Variants in CTSZ observed in about 807,000 individuals in gnomAD.
CTSZ encodes carboxypeptidase LB.
A neutral mutation model predicts 32.4 loss-of-function variants in CTSZ; 39 were observed. The observed-to-expected ratio is 1.20, with a 90% CI of 0.93 to 1.57. The LOEUF (loss-of-function observed/expected upper bound fraction) is 1.57. Ranked by LOEUF, CTSZ falls within the 40% of genes most tolerant of loss-of-function variation. The pLI is 0.00. For synonymous variants in CTSZ, 168 were observed against 170.1 expected (o/e 0.99, Z 0.10); for missense variants, 397 against 419.6 (o/e 0.95, Z 0.47).
chr20:59,006,892 T>G, intron 1 of CTSZ, 94 bp downstream of exon 1: 1 of 1,125,618 alleles, frequency 8.9e-7, no homozygotes, highest in Middle Eastern at 3.2e-4. Context: ...CCAAGGCCTG[T>G]TGGCGACGCA....
At position 58,995,580 on chromosome 20, in the gene CTSZ, A is replaced by G; in HGVS notation, c.*69T>C. On this transcript the variant is annotated 3_prime_UTR_variant, in exon 6 of 6. Coordinates refer to ENST00000217131, the MANE Select transcript of CTSZ (RefSeq NM_001336.4). ...TCCTGCCAGCCAGCCTGGCACACATAACCATAGGATCCCCTCTGGTCATGG... is the reference window on the plus strand; with the variant it reads ...TCCTGCCAGCCAGCCTGGCACACATGACCATAGGATCCCCTCTGGTCATGG... 2 of 1,419,858 alleles carry G rather than the reference A, an allele frequency of 1.4e-6. No homozygotes were observed. The highest frequency in any genetic ancestry group is 2.0e-6 in the Non-Finnish European group (2 of 1,007,452). The allele number at this position is 1,419,858 out of a possible 1,614,324, so 88.0% of individuals were successfully genotyped here.
At chr20:58,997,835 A>T in intron 3 of CTSZ, 82 bp from the exon 4 acceptor site, 1 of 1,298,580 alleles carries the variant, frequency 7.7e-7, no homozygotes. Flanking sequence ...CCCACTCTCC[A>T]CTCTCATCAT....
chr20:59,004,301 C>G lies in CTSZ; in HGVS notation c.307+2021G>C, dbSNP rs1372505690. On this transcript the variant is annotated intron_variant, in intron 2 of 5. Coordinates refer to ENST00000217131, the MANE Select transcript of CTSZ (RefSeq NM_001336.4). This position sits in a 1 kb window ranked among gnomAD's most constrained non-coding sequence, Gnocchi z 5.6. ...GAAGGGTTGGTCCTGGGGAAGCTGA[C>G]ACTCAGAACTCTGAGGAGCAGACAG... Among the ~76,000 whole-genome samples, 1 of 151,970 alleles carries G rather than the reference C, an allele frequency of 6.6e-6. No homozygotes were observed. Among genetic ancestry groups the G allele is most frequent in the Non-Finnish European group, 1.5e-5 (1 of 67,976 alleles).
Position 58,995,568 on chromosome 20 carries a change from C to G in CTSZ, c.*81G>C, listed in dbSNP as rs1311632582. ...AGCCACCCCAGTTCCTGCCAGCCAG[C>G]CTGGCACACATAACCATAGGATCCC... On this transcript the variant is annotated 3_prime_UTR_variant, in exon 6 of 6. Transcript: ENST00000217131. 7.6e-7 allele frequency: 1 copy of G among 1,315,342 alleles called. No individual in the cohort carries two copies. The highest frequency in any genetic ancestry group is 1.1e-6 in the Non-Finnish European group (1 of 917,028). The allele number at this position is 1,315,342 out of a possible 1,614,324, so 81.5% of individuals were successfully genotyped here.
intron 3 of CTSZ, among the ~76,000 whole-genome samples, chr20:59,000,689 C>T (rs1223186204): frequency 6.6e-6 from 1 of 152,192 alleles, no homozygotes; most frequent in South Asian, 2.1e-4. Flanking sequence ...AGGCCCCCTA[C>T]ACCTCTCCCC....
At position 59,002,826 on chromosome 20, in the gene CTSZ, C is replaced by T. The variant is rs2091895094; in HGVS notation, c.308-1182G>A. Among the ~76,000 whole-genome samples, 1 of 152,130 alleles carries T rather than the reference C, an allele frequency of 6.6e-6. No individual in the cohort carries two copies. Among genetic ancestry groups the T allele is most frequent in the Admixed American group, 6.5e-5 (1 of 15,288 alleles). On this transcript the variant is annotated intron_variant, in intron 2 of 5. Transcript: ENST00000217131. The surrounding 1 kb of genome is among the most constrained non-coding windows in gnomAD (Gnocchi z 4.1). Reference sequence around the variant, plus strand: ...CCCACCCTAGGTTCCATCCTGTTTCCTCCCAAGGACTTGGCTCCCTCCAGC... The same window carrying T: ...CCCACCCTAGGTTCCATCCTGTTTCTTCCCAAGGACTTGGCTCCCTCCAGC...
chr20:58,998,546 C>CAAAA (rs148092871), intron 3 of CTSZ, among the ~76,000 whole-genome samples: 22,742 of 128,852 alleles, frequency 0.18, 2,186 homozygotes, highest in African/African-American at 0.18. Context: ...GACTCCGTCT[C>CAAAA]AAAAAAAAAG....
chr20:59,006,474 C>T lies in CTSZ; in HGVS notation c.155G>A (p.Arg52Gln), dbSNP rs2091909099. Residue 52 changes from arginine to glutamine, a missense_variant, in exon 2 of 6, where the codon CGG (arginine) becomes CAG (glutamine). By Grantham distance (43) the Arg-to-Gln change is conservative. Transcript: ENST00000217131. ...CGCTGGGGACAGGTACTCATGAGGC[C>T]GGGGGTATGTGCTGAGAAGAGATCA... Reference protein sequence around the residue: ...LAPLGRSTYPRPHEYLSPADL... With the variant: ...LAPLGRSTYPQPHEYLSPADL... 1.2e-6 allele frequency: 2 copies of T among 1,612,790 alleles called. No individual in the cohort carries two copies. Among genetic ancestry groups the T allele is most frequent in the East Asian group, 2.2e-5 (1 of 44,876 alleles).
chr20:59,007,136 C>G lies in CTSZ; in HGVS notation c.-8G>C. 7.4e-7 allele frequency: 1 copy of G among 1,353,310 alleles called. No individual in the cohort carries two copies. Among genetic ancestry groups the G allele is most frequent in the Non-Finnish European group, 9.4e-7 (1 of 1,060,834 alleles). The allele number at this position is 1,353,310 out of a possible 1,614,324, so 83.8% of individuals were successfully genotyped here. On this transcript the variant is annotated 5_prime_UTR_variant, in exon 1 of 6. Transcript: ENST00000217131. ...TGGCCCGCGCCTCGCCATGGCCCCGCGCCGGCTCCTGGGTCCCGCTCCGGA... is the reference window on the plus strand; with the variant it reads ...TGGCCCGCGCCTCGCCATGGCCCCGGGCCGGCTCCTGGGTCCCGCTCCGGA...
chr20:59,006,334 T>A lies in CTSZ; in HGVS notation c.295A>T (p.Ser99Cys). ...CGSCWAHAST[S>C]AMADRINIKR... ...GGCGGCCACTCACCCGCCATAGCGC[T>A]GGTGCTGGCGTGGGCCCAGCAGGAG... The change falls in exon 2 of 6, where the codon AGC becomes TGC. Residue 99 changes from serine to cysteine, a missense_variant. Coordinates refer to ENST00000217131, the MANE Select transcript of CTSZ (RefSeq NM_001336.4). 6.2e-7 allele frequency: 1 copy of A among 1,610,944 alleles called. No individual in the cohort carries two copies.
chr20:58,997,193 G>C (rs1225005487), intron 4 of CTSZ, among the ~76,000 whole-genome samples: 1 of 149,580 alleles, frequency 6.7e-6, no homozygotes, highest in Non-Finnish European at 1.5e-5. Context: ...AATCTGGTAT[G>C]ACAACAAAGT....
rs749203548 is a variant in CTSZ, at chr20:58,995,504, G to C, written c.*145C>G. 4.6e-6 allele frequency: 3 copies of C among 654,458 alleles called. No homozygotes were observed. The African/African-American group carries it at 5.5e-5, about 12-fold the overall frequency. 40.5% of individuals were successfully genotyped at this position (654,458 alleles called of 1,614,324 possible). On this transcript the variant is annotated 3_prime_UTR_variant, in exon 6 of 6. Coordinates refer to ENST00000217131, the MANE Select transcript of CTSZ (RefSeq NM_001336.4). ...CCACTTTCAACTCTCAGGAACACTC[G>C]CAGCCAGTGCCACGCTGTCCTCGCC...
intron 3 of CTSZ, among the ~76,000 whole-genome samples, chr20:59,000,621 C>T (rs958752841): frequency 2.0e-5 from 3 of 152,092 alleles, no homozygotes; most frequent in African/African-American, 7.2e-5. Context: ...CAGTTTGGGG[C>T]AGCACCTCCC....
Position 58,995,486 on chromosome 20 carries a change from C to G in CTSZ, c.*163G>C. 2 of 602,772 alleles carry G rather than the reference C, an allele frequency of 3.3e-6. No individual in the cohort carries two copies. The highest frequency in any genetic ancestry group is 5.9e-6 in the Non-Finnish European group (2 of 340,986). 37.3% of individuals were successfully genotyped at this position (602,772 alleles called of 1,614,324 possible). On this transcript the variant is annotated 3_prime_UTR_variant, in exon 6 of 6. Coordinates refer to ENST00000217131, the MANE Select transcript of CTSZ (RefSeq NM_001336.4). ...CAAGTGTCATAAGTCATCCCACTTT[C>G]AACTCTCAGGAACACTCGCAGCCAG...
intron 1 of CTSZ, 83 bp from the exon 2 acceptor site, chr20:59,006,568 C>G (rs1484711781): frequency 3.5e-6 from 5 of 1,434,854 alleles, no homozygotes; most frequent in Non-Finnish European, 2.8e-6. Context: ...AGGGCCCTCC[C>G]GCCTTTCCCA....
At chr20:58,996,838 T>C (rs2091862922) in intron 4 of CTSZ, 37 bp from the exon 5 acceptor site, 4 of 1,603,698 alleles carry the variant, frequency 2.5e-6, no homozygotes, top group Admixed American at 1.7e-5. Context: ...CACTTTTAAA[T>C]TGAGAGAATT....
At chr20:59,006,581 A>C in intron 1 of CTSZ, 96 bp from the exon 2 acceptor site, 3 of 1,289,812 alleles carry the variant, frequency 2.3e-6, no homozygotes, top group Non-Finnish European at 3.2e-6. Context: ...CTTTCCCAAC[A>C]CCTGAGGGCA....
intron 2 of CTSZ, among the ~76,000 whole-genome samples, chr20:59,003,786 G>C (rs1452364075): frequency 2.6e-5 from 4 of 152,156 alleles, no homozygotes; most frequent in African/African-American, 9.7e-5. Context: ...GCAGGAGCAG[G>C]GGAGCAAGGG....
At chr20:59,001,886 G>A (rs1019952922) in intron 2 of CTSZ, among the ~76,000 whole-genome samples, 2 of 152,232 alleles carry the variant, frequency 1.3e-5, no homozygotes, top group South Asian at 2.1e-4. Flanking sequence ...CACACCTCCC[G>A]CTACAAATGC....
Sources: allele counts gnomAD v4.1 joint callset (sites outside exome capture counted in the v4.1 genomes callset), GRCh38; gene constraint gnomAD v4.1.1; non-coding constraint Gnocchi (gnomAD v3.1); transcripts MANE v1.5; gene names NCBI Gene and HGNC (gene_info 2026-07-23, HGNC 2026-07-21).